The following SLC14A2 variants were observed in gnomAD, a reference collection of about 807,000 sequenced individuals.
The protein encoded by SLC14A2 is solute carrier family 14 member 2.
A neutral mutation model predicts 104.6 loss-of-function variants in SLC14A2; 91 were observed. That is an observed-to-expected ratio of 0.87 (90% CI 0.73 to 1.04). The LOEUF (loss-of-function observed/expected upper bound fraction) is 1.04, where lower values mean the gene tolerates loss of function less well. Among genes scored for constraint, SLC14A2 ranks in the 50% least tolerant of loss-of-function variants. SLC14A2 has a pLI of 0.00. For missense variants in SLC14A2, 1,189 were observed against 1,156.0 expected (o/e 1.03, Z -0.41); for synonymous variants, 476 against 466.4 (o/e 1.02, Z -0.27).
At chr18:45,663,970 C>T in intron 11 of SLC14A2, 63 bp downstream of exon 11, 4 of 1,497,490 alleles carry the variant, frequency 2.7e-6, no homozygotes, top group Non-Finnish European at 3.6e-6. Flanking sequence ...AAAACAGGGA[C>T]AATGGCAATA....
intron 1 of SLC14A2, among the ~76,000 whole-genome samples, chr18:45,289,620 T>C (rs1310385699): frequency 6.6e-6 from 1 of 152,174 alleles, no homozygotes; most frequent in Non-Finnish European, 1.5e-5. Flanking sequence ...ATAAAATATA[T>C]GTCCCCAAAT....
chr18:45,556,052 C>A (rs1389636607), intron 2 of SLC14A2, among the ~76,000 whole-genome samples: 2 of 152,142 alleles, frequency 1.3e-5, no homozygotes, highest in African/African-American at 2.4e-5. Context: ...AATCGGGGTG[C>A]CAGCATGGTC....
At chr18:45,632,555 G>A (rs1436454757) in intron 5 of SLC14A2, 77 bp downstream of exon 5, 21 of 1,515,068 alleles carry the variant, frequency 1.4e-5, no homozygotes, top group Admixed American at 7.9e-5. Flanking sequence ...GCCAGAGACA[G>A]GACATACACA....
intron 1 of SLC14A2, among the ~76,000 whole-genome samples, chr18:45,291,896 TCTC>T (rs1181935827): frequency 6.6e-6 from 1 of 152,076 alleles, no homozygotes; most frequent in African/African-American, 2.4e-5. Flanking sequence ...CCTTCAAAGT[TCTC>T]CTCCCAGATA....
intron 1 of SLC14A2, among the ~76,000 whole-genome samples, chr18:45,338,696 A>AC (rs1568158046): frequency 8.6e-6 from 1 of 116,326 alleles, no homozygotes; most frequent in African/African-American, 2.9e-5. Context: ...AAAAAAAAAA[A>AC]AAAAAAAAAA....
intron 1 of SLC14A2, among the ~76,000 whole-genome samples, chr18:45,395,255 A>G (rs559731006): frequency 2.0e-5 from 3 of 152,348 alleles, no homozygotes; most frequent in South Asian, 4.1e-4. Flanking sequence ...CTTTATAGAC[A>G]TGCTAAATGA....
chr18:45,332,172 C>T (rs553739709), intron 1 of SLC14A2, among the ~76,000 whole-genome samples: 4 of 152,260 alleles, frequency 2.6e-5, no homozygotes, highest in African/African-American at 9.6e-5. Context: ...TGGATTTCTC[C>T]TTGGCAATCA....
rs756449759 is a variant in SLC14A2, at chr18:45,489,156, AG to A, written c.-35+5835del. Among the ~76,000 whole-genome samples, 17 of 152,336 alleles carry A rather than the reference AG, an allele frequency of 1.1e-4. No individual in the cohort carries two copies. In the East Asian group the frequency reaches 2.3e-3, roughly 21 times the overall value. The stretch of plus-strand genomic sequence containing the variant: ...TCCTTTCTGCATGCATATGTCAGCA[AG>A]AACATTCATAATAATGGCTCATGAT... On this transcript the variant is annotated intron_variant, in intron 2 of 20. Coordinates refer to the SLC14A2 transcript ENST00000586448.
chr18:45,605,671 C>T (rs1390912523), intron 2 of SLC14A2, among the ~76,000 whole-genome samples: 1 of 152,132 alleles, frequency 6.6e-6, no homozygotes, highest in South Asian at 2.1e-4. Context: ...TTAAACTTGA[C>T]CAAGGTTAAA....
At chr18:45,421,428 T>A (rs990723071) in intron 1 of SLC14A2, among the ~76,000 whole-genome samples, 2 of 152,170 alleles carry the variant, frequency 1.3e-5, no homozygotes, top group African/African-American at 4.8e-5. Flanking sequence ...ACACAATTGA[T>A]TCTTGGGAAG....
chr18:45,195,454 C>T, the SLC14A2 span, among the ~76,000 whole-genome samples: 3 of 152,058 alleles, frequency 2.0e-5, no homozygotes, highest in African/African-American at 2.4e-5. Flanking sequence ...TGCAGTGGTG[C>T]GATCTTGGCT....
At chr18:45,589,904 C>A (rs977364084) in intron 2 of SLC14A2, among the ~76,000 whole-genome samples, 2 of 152,180 alleles carry the variant, frequency 1.3e-5, no homozygotes, top group Non-Finnish European at 2.9e-5. Context: ...GAGGAGCTTG[C>A]AAATTTCTGT....
intron 1 of SLC14A2, among the ~76,000 whole-genome samples, chr18:45,225,853 T>G (rs1341378859): frequency 1.3e-5 from 2 of 152,192 alleles, no homozygotes; most frequent in Non-Finnish European, 2.9e-5. Flanking sequence ...TCCTGAGACT[T>G]TGCTGAAGTT....
At chr18:45,283,059 C>G (rs989056077) in intron 1 of SLC14A2, among the ~76,000 whole-genome samples, 12 of 152,216 alleles carry the variant, frequency 7.9e-5, no homozygotes, top group Non-Finnish European at 1.8e-4. Flanking sequence ...CCTTTTCCCT[C>G]CTCCGTGAGA....
chr18:45,475,649 AT>A (rs2087354808), intron 1 of SLC14A2, among the ~76,000 whole-genome samples: 1 of 11,510 alleles, frequency 8.7e-5, no homozygotes, highest in Non-Finnish European at 1.7e-4. Flanking sequence ...TAGGATATAT[AT>A]ATATATATAT....
chr18:45,532,993 A>T (rs1402659616), intron 2 of SLC14A2, among the ~76,000 whole-genome samples: 2 of 152,148 alleles, frequency 1.3e-5, no homozygotes, highest in African/African-American at 2.4e-5. Context: ...TATATGCTGG[A>T]TTACGTTTAT....
intron 1 of SLC14A2, among the ~76,000 whole-genome samples, chr18:45,459,357 G>A (rs2087001582): frequency 2.6e-5 from 4 of 152,198 alleles, no homozygotes; most frequent in Admixed American, 2.0e-4. Context: ...ATGTGCTGTA[G>A]AGGAGGATAA....
chr18:45,469,560 G>C (rs145996909), intron 1 of SLC14A2, among the ~76,000 whole-genome samples: 1 of 152,148 alleles, frequency 6.6e-6, no homozygotes, highest in South Asian at 2.1e-4. Flanking sequence ...TGGAGCAAAG[G>C]TATCTCTCTT....
intron 1 of SLC14A2, among the ~76,000 whole-genome samples, chr18:45,360,432 T>A (rs959964101): frequency 1.3e-5 from 2 of 152,186 alleles, no homozygotes; most frequent in Non-Finnish European, 1.5e-5. Context: ...CTCTCCTACC[T>A]CCTAAATCTT....
Sources: allele counts gnomAD v4.1 joint callset (sites outside exome capture counted in the v4.1 genomes callset), GRCh38; gene constraint gnomAD v4.1.1; transcripts MANE v1.5; gene names NCBI Gene and HGNC (gene_info 2026-07-23, HGNC 2026-07-21).